SNCAIP: variants seen among roughly 807,000 people sequenced by gnomAD.
SNCAIP encodes synuclein alpha interacting protein.
Under a neutral mutation model 86.7 loss-of-function variants are expected in SNCAIP, and 43 were observed. The observed-to-expected ratio is 0.50, with a 90% CI of 0.39 to 0.64. SNCAIP has a LOEUF of 0.64. SNCAIP is among the 30% of genes least tolerant of loss of function. SNCAIP has a pLI of 0.00. For missense variants in SNCAIP, 981 were observed against 1,103.1 expected, an observed-to-expected ratio of 0.89 and a Z score of 1.57; for synonymous variants, 417 against 427.2, an observed-to-expected ratio of 0.98 and a Z score of 0.29.
rs1444644915 is a variant in SNCAIP, at chr5:122,463,601, G to C, written c.*105G>C. ...ATCACTTTTTAAATTTTCTCTCACT[G>C]ATGCCCTTTGGAAATTATTGGAAAT... On this transcript the variant is annotated 3_prime_UTR_variant, in exon 11 of 11. Coordinates refer to ENST00000261368, the MANE Select transcript of SNCAIP (RefSeq NM_005460.4). 7.9e-7 allele frequency: 1 copy of C among 1,270,182 alleles called. No individual in the cohort carries two copies. The highest frequency in any genetic ancestry group is 1.5e-5 in the African/African-American group (1 of 67,650). 78.7% of individuals were successfully genotyped at this position (1,270,182 alleles called of 1,614,324 possible). A position where few individuals can be genotyped will look rare whatever the true frequency, so the allele number is the denominator to read the frequency against.
At chr5:122,459,819 T>G (rs1176731384) in intron 10 of SNCAIP, among the ~76,000 whole-genome samples, 1 of 152,176 alleles carries the variant, frequency 6.6e-6, no homozygotes, top group Non-Finnish European at 1.5e-5. Flanking sequence ...ATACTAGCAT[T>G]ATAATAAAGA....
chr5:122,395,294 TGTAA>T (rs1302456054), intron 2 of SNCAIP, among the ~76,000 whole-genome samples: 3 of 152,158 alleles, frequency 2.0e-5, no homozygotes, highest in African/African-American at 4.8e-5. Flanking sequence ...CATATATACA[TGTAA>T]GTATTTACAC....
intron 1 of SNCAIP, among the ~76,000 whole-genome samples, chr5:122,317,567 G>A (rs1245501717): frequency 6.6e-6 from 1 of 152,102 alleles, no homozygotes; most frequent in Admixed American, 6.5e-5. Flanking sequence ...AGGGGAGAGT[G>A]GTATGTGTGA....
chr5:122,322,676 C>T (rs1753204110), intron 1 of SNCAIP, among the ~76,000 whole-genome samples: 1 of 152,148 alleles, frequency 6.6e-6, no homozygotes, highest in African/African-American at 2.4e-5. Flanking sequence ...TAAACAATTC[C>T]TCAAAAAAGA....
intron 6 of SNCAIP, 122 bp from the exon 7 acceptor site, chr5:122,440,507 T>A (rs1307715807): frequency 1.1e-6 from 1 of 909,886 alleles, no homozygotes; most frequent in Admixed American, 1.8e-5. Context: ...GAGAATTTTC[T>A]CTTGCTACGG....
Position 122,423,291 on chromosome 5 carries a change from A to G in SNCAIP, c.554A>G (p.Asn185Ser), listed in dbSNP as rs139346634. ...KRILGLCTTI[N>S]GLSGKACSTG... ...ATTTTGGGCTTATGCACAACCATCA[A>G]TGGCCTTTCTGGCAAAGCCTGCTCT... The change falls in exon 4 of 11, where the codon AAT (asparagine) becomes AGT (serine). Residue 185 changes from asparagine (N) to serine (S), a missense_variant. Coordinates refer to ENST00000261368, the MANE Select transcript of SNCAIP (RefSeq NM_005460.4). 32 of 1,614,038 alleles carry G rather than the reference A, an allele frequency of 2.0e-5. No homozygotes were observed. The highest frequency in any genetic ancestry group is 1.0e-4 in the Admixed American group (6 of 60,006).
intron 3 of SNCAIP, among the ~76,000 whole-genome samples, chr5:122,409,195 A>T (rs150863766): frequency 1.3e-5 from 2 of 152,348 alleles, no homozygotes; most frequent in East Asian, 3.9e-4. Context: ...CAAGGCAGTG[A>T]ATGTTAATTC....
At chr5:122,415,502 A>G (rs1775122918) in intron 3 of SNCAIP, among the ~76,000 whole-genome samples, 2 of 152,212 alleles carry the variant, frequency 1.3e-5, no homozygotes, top group Non-Finnish European at 1.5e-5. Flanking sequence ...GTCTAAAGCT[A>G]ATTTTCTAAT....
chr5:122,366,429 T>G (rs1441492624), intron 1 of SNCAIP, among the ~76,000 whole-genome samples: 1 of 152,184 alleles, frequency 6.6e-6, no homozygotes, highest in East Asian at 1.9e-4. Flanking sequence ...AGTCTGCCAT[T>G]GGCCAGATTT....
intron 1 of SNCAIP, among the ~76,000 whole-genome samples, chr5:122,344,548 C>G (rs1005946219): frequency 6.6e-5 from 10 of 152,080 alleles, no homozygotes; most frequent in Admixed American, 2.6e-4. Context: ...AGAGAAAGCT[C>G]AGATGATGCA....
chr5:122,313,073 C>T (rs1412916963), intron 1 of SNCAIP, among the ~76,000 whole-genome samples: 1 of 152,270 alleles, frequency 6.6e-6, no homozygotes, highest in Non-Finnish European at 1.5e-5. Flanking sequence ...GAACACGCTA[C>T]TGCTTGCAGC....
chr5:122,402,919 A>G (rs1215661743), intron 2 of SNCAIP, among the ~76,000 whole-genome samples: 1 of 152,242 alleles, frequency 6.6e-6, no homozygotes, highest in Admixed American at 6.5e-5. Flanking sequence ...GAATTAAAGT[A>G]TGAATGTGAT....
chr5:122,441,164 G>T (rs1042941149), intron 7 of SNCAIP: 2 of 202,342 alleles, frequency 9.9e-6, no homozygotes, highest in African/African-American at 2.3e-5. Flanking sequence ...GAATAAGATA[G>T]ATTTTTCAGG....
chr5:122,353,651 AAG>A (rs1760381363), intron 1 of SNCAIP, among the ~76,000 whole-genome samples: 2 of 152,134 alleles, frequency 1.3e-5, no homozygotes, highest in African/African-American at 4.8e-5. Context: ...TGATTTTAAA[AAG>A]AGGATTTCCC....
chr5:122,422,584 A>C (rs771391973), intron 3 of SNCAIP, among the ~76,000 whole-genome samples: 2 of 152,188 alleles, frequency 1.3e-5, no homozygotes, highest in Non-Finnish European at 2.9e-5. Flanking sequence ...TATCCAGGGA[A>C]TAAACCTAAA....
chr5:122,450,553 C>G lies in SNCAIP; in HGVS notation c.1706C>G (p.Ser569Cys), dbSNP rs565022330. Reference sequence around the variant, plus strand: ...TTTAGTTCACCATCCTCACCTGCCTCCAGAAAGTCCCAGTGGAAATCTCCA... The same window carrying G: ...TTTAGTTCACCATCCTCACCTGCCTGCAGAAAGTCCCAGTGGAAATCTCCA... The part of the protein sequence containing the change: ...SSPSSPSSPA[S>C]RKSQWKSPDA... Residue 569 changes from serine to cysteine, a missense_variant, in exon 10 of 11, where the codon TCC (serine) becomes TGC (cysteine). Coordinates refer to ENST00000261368, the MANE Select transcript of SNCAIP (RefSeq NM_005460.4). 1.9e-6 allele frequency: 3 copies of G among 1,613,928 alleles called. No individual in the cohort carries two copies. The African/African-American group carries it at 4.0e-5, about 22-fold the overall frequency.
In SNCAIP at chr5:122,450,707, AC is replaced by A; in HGVS notation, c.1861del (p.Arg621AlafsTer42). 4 of 1,614,224 alleles carry A rather than the reference AC, an allele frequency of 2.5e-6. No individual in the cohort carries two copies. Among genetic ancestry groups the A allele is most frequent in the Non-Finnish European group, 2.5e-6 (3 of 1,180,030 alleles). On this transcript the variant is annotated frameshift_variant, in exon 10 of 11. Coordinates refer to ENST00000261368, the MANE Select transcript of SNCAIP (RefSeq NM_005460.4). LOFTEE classifies it high-confidence loss of function. ...AKDEDSDKIL[R>X]QLLGKEISEN... ...AAGATGAAGATTCTGATAAAATCTT[AC>A]GCCAGTTATTGGGAAAGGAAATCTC...
chr5:122,355,878 C>T (rs1027850998), intron 1 of SNCAIP, among the ~76,000 whole-genome samples: 1 of 152,100 alleles, frequency 6.6e-6, no homozygotes, highest in African/African-American at 2.4e-5. Context: ...TCAAGAAATA[C>T]GTTGTCAACT....
rs200064814 is a variant in SNCAIP at position 122,391,087 on chromosome 5, A to C, written c.-46-2A>C. 2 of 1,492,852 alleles carry C rather than the reference A, an allele frequency of 1.3e-6. No individual in the cohort carries two copies. Among genetic ancestry groups the C allele is most frequent in the Non-Finnish European group, 1.9e-6 (2 of 1,069,562 alleles). The allele number at this position is 1,492,852 out of a possible 1,614,324, so 92.5% of individuals were successfully genotyped here. ...TTTCTTTTCTGCTTCTGTCTCGTTC[A>C]GGAATTTATAAGTATTTGACCGTAC... On this transcript the variant is annotated splice_acceptor_variant, in intron 1 of 10. Coordinates refer to ENST00000261368, the MANE Select transcript of SNCAIP (RefSeq NM_005460.4). LOFTEE classifies it low-confidence loss of function (5UTR_SPLICE).
Sources: gnomAD v4.1 joint callset for allele counts (sites outside exome capture counted in the v4.1 genomes callset) on GRCh38, gnomAD v4.1.1 for gene constraint, MANE v1.5 for transcripts, NCBI Gene and HGNC (gene_info 2026-07-23, HGNC 2026-07-21) for gene names.